Variants in SP100 observed in about 807,000 individuals in gnomAD.
SP100 encodes the protein nuclear autoantigen Sp-100.
A neutral mutation model predicts 130.0 loss-of-function variants in SP100; 84 were observed. The observed-to-expected ratio is 0.65, with a 90% CI of 0.54 to 0.77. SP100 has a LOEUF of 0.77. Among genes scored for constraint, SP100 ranks in the 30% least tolerant of loss-of-function variants. The pLI is 0.00. For missense variants in SP100, 978 were observed against 1,052.2 expected, an observed-to-expected ratio of 0.93 and a Z score of 0.97; for synonymous variants, 331 against 351.7, an observed-to-expected ratio of 0.94 and a Z score of 0.66.
At chr2:230,501,635 C>A (rs564821845) in intron 19 of SP100, among the ~76,000 whole-genome samples, 1 of 145,404 alleles carries the variant, frequency 6.9e-6, no homozygotes, top group Admixed American at 7.0e-5. Context: ...AAGGAAGGAG[C>A]ATTCACAATT....
intron 2 of SP100, among the ~76,000 whole-genome samples, chr2:230,429,606 A>G (rs1409576761): frequency 6.6e-6 from 1 of 151,756 alleles, no homozygotes; most frequent in Non-Finnish European, 1.5e-5. Flanking sequence ...GTTTTACTTG[A>G]TGGTGTCCCA....
chr2:230,539,471 A>T lies in SP100; in HGVS notation c.2210+89A>T, dbSNP rs1692079369. ...CATGAGTACTCTGCAGAGTTTCTGT[A>T]CCTGGTTATGTGTTTCTTGATGCAT... is the stretch of plus-strand genomic sequence containing the variant. On this transcript the variant is annotated intron_variant, in intron 25 of 28. Transcript: ENST00000340126. The T allele has an allele frequency of 1.2e-5, 10 of 847,602 alleles. No individual in the cohort carries two copies. In the Admixed American group the frequency reaches 1.6e-4, roughly 14 times the overall value. 52.5% of individuals were successfully genotyped at this position (847,602 alleles called of 1,614,324 possible). A position where few individuals can be genotyped will look rare whatever the true frequency, so the allele number is the denominator to read the frequency against.
At chr2:230,455,815 A>T (rs1474227310) in intron 8 of SP100, among the ~76,000 whole-genome samples, 2 of 152,158 alleles carry the variant, frequency 1.3e-5, no homozygotes, top group Non-Finnish European at 2.9e-5. Context: ...GTTAACATGA[A>T]GTTTACACAA....
chr2:230,512,925 C>T (rs959141622), intron 24 of SP100, among the ~76,000 whole-genome samples: 1 of 152,152 alleles, frequency 6.6e-6, no homozygotes, highest in Admixed American at 6.6e-5. Flanking sequence ...CAACCTGGAT[C>T]CCTCGCATGT....
intron 27 of SP100, 94 bp downstream of exon 27, chr2:230,541,466 T>C (rs1296785067): frequency 1.9e-5 from 21 of 1,084,296 alleles, no homozygotes; most frequent in Non-Finnish European, 2.9e-5. Context: ...TTTGGCTTGT[T>C]GATGAGTTTT....
intron 24 of SP100, among the ~76,000 whole-genome samples, chr2:230,522,723 C>A (rs1436018809): frequency 6.6e-6 from 1 of 151,876 alleles, no homozygotes; most frequent in South Asian, 2.1e-4. Context: ...CTCTTGACCT[C>A]ATGATCTGCC....
At chr2:230,445,576 T>G (rs1339460259) in intron 4 of SP100, among the ~76,000 whole-genome samples, 2 of 152,206 alleles carry the variant, frequency 1.3e-5, no homozygotes, top group Non-Finnish European at 2.9e-5. Context: ...GCTTATTGAT[T>G]TGTGTCAATA....
chr2:230,500,720 A>T (rs1230406038), intron 19 of SP100, among the ~76,000 whole-genome samples: 1 of 152,110 alleles, frequency 6.6e-6, no homozygotes, highest in Non-Finnish European at 1.5e-5. Flanking sequence ...GTGCACCTGC[A>T]ACTTGAGCAT....
chr2:230,442,333 T>C (rs2063501421), intron 2 of SP100, among the ~76,000 whole-genome samples: 2 of 152,250 alleles, frequency 1.3e-5, no homozygotes, highest in South Asian at 4.1e-4. Flanking sequence ...TACAGAGAGA[T>C]TGATATTAAT....
intron 15 of SP100, among the ~76,000 whole-genome samples, chr2:230,471,320 G>T (rs556713779): frequency 2.6e-4 from 40 of 152,300 alleles, no homozygotes; most frequent in African/African-American, 8.4e-4. Flanking sequence ...TGTACTCATT[G>T]ATATAGGTGT....
chr2:230,482,486 A>C (rs1156946838), intron 17 of SP100, among the ~76,000 whole-genome samples: 1 of 152,194 alleles, frequency 6.6e-6, no homozygotes, highest in Admixed American at 6.5e-5. Context: ...CTGAGAACAA[A>C]ACCCTATCTC....
At chr2:230,430,384 G>T (rs1363081638) in intron 2 of SP100, among the ~76,000 whole-genome samples, 1 of 152,220 alleles carries the variant, frequency 6.6e-6, no homozygotes, top group Admixed American at 6.5e-5. Flanking sequence ...CTGTGATTAG[G>T]CAGGGTTGAA....
intron 2 of SP100, 121 bp downstream of exon 2, chr2:230,417,786 T>A: frequency 1.4e-6 from 2 of 1,423,136 alleles, no homozygotes; most frequent in Non-Finnish European, 1.9e-6. Context: ...CTTGTTTGTT[T>A]TTTGCCAATA....
intron 24 of SP100, among the ~76,000 whole-genome samples, chr2:230,531,274 A>G (rs4973327): frequency 0.46 from 69,982 of 152,008 alleles, 16,323 homozygotes; most frequent in South Asian, 0.56. Context: ...TTGCAGGGAC[A>G]TGGATGAAGC....
chr2:230,482,833 CT>C (rs1395464732), intron 17 of SP100, among the ~76,000 whole-genome samples: 5 of 152,140 alleles, frequency 3.3e-5, no homozygotes, highest in Non-Finnish European at 5.9e-5. Flanking sequence ...GGTAAGTTCT[CT>C]CAACTTTTTT....
intron 3 of SP100, 100 bp from the exon 4 acceptor site, chr2:230,444,078 G>A (rs906965355): frequency 2.1e-4 from 184 of 863,532 alleles, no homozygotes; most frequent in Non-Finnish European, 2.7e-4. Context: ...AAATACCTAC[G>A]TAGAGAAATT....
intron 8 of SP100, among the ~76,000 whole-genome samples, chr2:230,456,674 A>G (rs753849577): frequency 8.5e-5 from 13 of 152,056 alleles, no homozygotes; most frequent in Admixed American, 5.2e-4. Context: ...TTTCTTCTGC[A>G]TGATCAATTC....
chr2:230,427,167 CT>C (rs150025924), intron 2 of SP100, among the ~76,000 whole-genome samples: 43 of 151,050 alleles, frequency 2.8e-4, no homozygotes, highest in Non-Finnish European at 5.0e-4. Flanking sequence ...CTCTCTCTCT[CT>C]TTTTTTTTCC....
intron 15 of SP100, among the ~76,000 whole-genome samples, chr2:230,470,894 C>CTGTG (rs145760487): frequency 0.016 from 2,401 of 149,982 alleles, 63 homozygotes; most frequent in African/African-American, 0.055. Flanking sequence ...TTAACAACCA[C>CTGTG]TGTGTGTGTG....
Sources: gnomAD v4.1 joint callset for allele counts (sites outside exome capture counted in the v4.1 genomes callset) on GRCh38, gnomAD v4.1.1 for gene constraint, MANE v1.5 for transcripts, NCBI Gene and HGNC (gene_info 2026-07-23, HGNC 2026-07-21) for gene names.